SV2B: variants seen among roughly 807,000 people sequenced by gnomAD.
SV2B encodes synaptic vesicle glycoprotein 2B.
A neutral mutation model predicts 73.9 loss-of-function variants in SV2B; 41 were observed. That is an observed-to-expected ratio of 0.56 (90% CI 0.43 to 0.72). SV2B has a LOEUF of 0.72. Among genes scored for constraint, SV2B ranks in the 30% least tolerant of loss-of-function variants. The pLI is 0.00. For missense variants in SV2B, 764 were observed against 857.8 expected (o/e 0.89, Z 1.37); for synonymous variants, 314 against 314.2 (o/e 1.00, Z 0.01).
rs1408533056 is a variant in SV2B at position 91,296,018 on chromosome 15, G to A, written c.*3466G>A. 3 of 152,188 alleles carry A rather than the reference G, an allele frequency of 2.0e-5. No individual in the cohort carries two copies. The highest frequency in any genetic ancestry group is 4.1e-4 in the South Asian group (2 of 4,834). The allele number at this position is 152,188 out of a possible 1,614,324, so 9.4% of individuals were successfully genotyped here. The stretch of plus-strand genomic sequence containing the variant: ...ACTTGTCAGCTGTGGATTTCCAAAT[G>A]TGGTGGCTCCCTCTTATTTTTTTTT... On this transcript the variant is annotated 3_prime_UTR_variant, in exon 13 of 13. Coordinates refer to ENST00000394232, the MANE Select transcript of SV2B (RefSeq NM_001323032.3).
chr15:91,154,032 T>C (rs1471409036), intron 1 of SV2B, among the ~76,000 whole-genome samples: 4 of 151,652 alleles, frequency 2.6e-5, no homozygotes, highest in East Asian at 3.9e-4. Flanking sequence ...AAAAAGACTA[T>C]AGAATAATGT....
Position 91,241,616 on chromosome 15 carries a change from GAAGAACTTCTATAGCCCCTGTTATCAC to G in SV2B, c.452-10201_452-10175del, listed in dbSNP as rs756610299. Among the ~76,000 whole-genome samples the G allele has an allele frequency of 1.5e-3, 230 of 152,234 alleles. 1 individual carries two copies. Among genetic ancestry groups the G allele is most frequent in the Non-Finnish European group, 1.8e-3 (121 of 68,016 alleles). On this transcript the variant is annotated intron_variant, in intron 2 of 12. Coordinates refer to ENST00000394232, the MANE Select transcript of SV2B (RefSeq NM_001323032.3). This position sits in a 1 kb window ranked among gnomAD's most constrained non-coding sequence, Gnocchi z 4.8. ...ACTGAGAACAACAGAAGTAACCGGA[GAAGAACTTCTATAGCCCCTGTTATCAC>G]ACCTACCTTCCTCGCTGCCTCTGTG...
chr15:91,296,062 T>G lies in SV2B; in HGVS notation c.*3510T>G, dbSNP rs1310668992. 6.6e-6 allele frequency: 1 copy of G among 152,168 alleles called. No individual in the cohort carries two copies. The allele number at this position is 152,168 out of a possible 1,614,324, so 9.4% of individuals were successfully genotyped here. A position where few individuals can be genotyped will look rare whatever the true frequency, so the allele number is the denominator to read the frequency against. On this transcript the variant is annotated 3_prime_UTR_variant, in exon 13 of 13. Coordinates refer to ENST00000394232, the MANE Select transcript of SV2B (RefSeq NM_001323032.3). ...TTTTTTTCTTTGAGGAGTGTACCAA[T>G]TTTTTATCTTTATAAACCAGGTAAG...
At chr15:91,172,588 C>T (rs1467089368) in intron 1 of SV2B, among the ~76,000 whole-genome samples, 1 of 152,192 alleles carries the variant, frequency 6.6e-6, no homozygotes. Flanking sequence ...CCCCCACAGC[C>T]TCTCTGTGTC....
chr15:91,247,025 T>C (rs2047263344), intron 2 of SV2B, among the ~76,000 whole-genome samples: 1 of 152,230 alleles, frequency 6.6e-6, no homozygotes, highest in Admixed American at 6.5e-5. Flanking sequence ...ACATAGCCAT[T>C]CCAGAGACAT....
Position 91,229,651 on chromosome 15 carries a change from G to C in SV2B, c.451+2937G>C, listed in dbSNP as rs138726379. On this transcript the variant is annotated intron_variant, in intron 2 of 12. Coordinates refer to ENST00000394232, the MANE Select transcript of SV2B (RefSeq NM_001323032.3). This position sits in a 1 kb window ranked among gnomAD's most constrained non-coding sequence, Gnocchi z 4.3. ...ATCTACTTCATAGGATTATTCTGAG[G>C]ACTAAATAAGGTTAATCCATTTAAC... 6.6e-6 allele frequency among the ~76,000 whole-genome samples: 1 copy of C among 152,206 alleles called. No individual in the cohort carries two copies. Among genetic ancestry groups the C allele is most frequent in the African/African-American group, 2.4e-5 (1 of 41,538 alleles).
rs2042845494 is a variant in SV2B at position 91,136,885 on chromosome 15, C to G, written c.-392+36522C>G. ...GAGAAGCAAGAGGGCTCTGGGTAGC[C>G]AGCTTATTCCTGCTCTCCTGGTCAA... On this transcript the variant is annotated intron_variant, in intron 1 of 12. Transcript: ENST00000394232. This position sits in a 1 kb window ranked among gnomAD's most constrained non-coding sequence, Gnocchi z 5.6. Among the ~76,000 whole-genome samples the G allele has an allele frequency of 6.6e-6, 1 of 152,128 alleles. No homozygotes were observed. Among genetic ancestry groups the G allele is most frequent in the South Asian group, 2.1e-4 (1 of 4,826 alleles).
rs1448147280 is a variant in SV2B at position 91,296,922 on chromosome 15, T to TG, written c.*4371dup. 2.7e-5 allele frequency: 4 copies of TG among 147,024 alleles called. No homozygotes were observed. Among genetic ancestry groups the TG allele is most frequent in the African/African-American group, 1.0e-4 (4 of 38,540 alleles). 9.1% of individuals were successfully genotyped at this position (147,024 alleles called of 1,614,324 possible). On this transcript the variant is annotated 3_prime_UTR_variant, in exon 13 of 13. Transcript: ENST00000394232. ...CCGATCGTTGGGCGCATGCTCCTTC[T>TG]GCCCGATCGTTGGGAGCACGCTCAT...
chr15:91,282,917 T>A (rs1470113750), intron 10 of SV2B, among the ~76,000 whole-genome samples: 3 of 152,216 alleles, frequency 2.0e-5, no homozygotes, highest in Non-Finnish European at 4.4e-5. Context: ...TTAATAAGTG[T>A]CATTAGAAAC....
At chr15:91,158,703 C>CTCTT (rs1567300692) in intron 1 of SV2B, among the ~76,000 whole-genome samples, 82 of 40,298 alleles carry the variant, frequency 2.0e-3, no homozygotes, top group Non-Finnish European at 1.1e-3. Context: ...TCTCTTCTCT[C>CTCTT]CTCTCCTCTC....
At chr15:91,165,825 C>A (rs2043894274) in intron 1 of SV2B, among the ~76,000 whole-genome samples, 3 of 152,176 alleles carry the variant, frequency 2.0e-5, no homozygotes, top group Admixed American at 2.0e-4. Context: ...CAGATATTAC[C>A]ATTTCCAAGT....
intron 1 of SV2B, among the ~76,000 whole-genome samples, chr15:91,195,567 T>C (rs1956028290): frequency 6.6e-6 from 1 of 152,188 alleles, no homozygotes; most frequent in African/African-American, 2.4e-5. Context: ...AAGCAACACA[T>C]TGTGAAATTG....
chr15:91,292,630 G>T lies in SV2B; in HGVS notation c.*78G>T. The T allele has an allele frequency of 2.7e-6, 4 of 1,509,224 alleles. No homozygotes were observed. The highest frequency in any genetic ancestry group is 1.3e-5 in the South Asian group (1 of 75,006). The allele number at this position is 1,509,224 out of a possible 1,614,324, so 93.5% of individuals were successfully genotyped here. ...TGCATCCACACTTCCTGCCTATCAC[G>T]GTCCGGAGGACACCTTGGATAGCAC... On this transcript the variant is annotated 3_prime_UTR_variant, in exon 13 of 13. Coordinates refer to ENST00000394232, the MANE Select transcript of SV2B (RefSeq NM_001323032.3).
chr15:91,189,987 C>CA (rs201588497), intron 1 of SV2B, among the ~76,000 whole-genome samples: 41 of 146,508 alleles, frequency 2.8e-4, no homozygotes, highest in East Asian at 8.0e-4. Flanking sequence ...GACGCCATCT[C>CA]AAAAAAAAAG....
chr15:91,183,839 G>A (rs1393384533), intron 1 of SV2B, among the ~76,000 whole-genome samples: 2 of 152,176 alleles, frequency 1.3e-5, no homozygotes, highest in African/African-American at 2.4e-5. Flanking sequence ...TATTTGCCAA[G>A]GACAGGATGG....
Position 91,284,131 on chromosome 15 carries a change from C to T in SV2B, c.1618C>T (p.Leu540Phe). 6.2e-7 allele frequency: 1 copy of T among 1,614,180 alleles called. No individual in the cohort carries two copies. The highest frequency in any genetic ancestry group is 8.5e-7 in the Non-Finnish European group (1 of 1,180,038). Residue 540 changes from leucine to phenylalanine, a missense_variant, in exon 11 of 13, where the codon CTC (leucine) becomes TTC (phenylalanine). Physicochemically the swap from Leu to Phe is conservative, Grantham distance 22. Coordinates refer to ENST00000394232, the MANE Select transcript of SV2B (RefSeq NM_001323032.3). The surrounding 1 kb of genome is among the most constrained non-coding windows in gnomAD (Gnocchi z 4.5). ...GCAAGATAATGACTTCCTGATTTAC[C>T]TCGTCAGCTTCCTGGGCAGCCTGTC... is the stretch of plus-strand genomic sequence containing the variant. ...LEQDNDFLIY[L>F]VSFLGSLSVL...
chr15:91,194,053 T>A (rs1408815751), intron 1 of SV2B, among the ~76,000 whole-genome samples: 2 of 151,896 alleles, frequency 1.3e-5, no homozygotes, highest in African/African-American at 4.8e-5. Context: ...GGCACTGGGA[T>A]GATGGGTTCG....
intron 1 of SV2B, among the ~76,000 whole-genome samples, chr15:91,189,747 G>T (rs1485291968): frequency 2.6e-5 from 4 of 152,198 alleles, no homozygotes. Context: ...CCAGCACTTT[G>T]GGAGGCCGAG....
At chr15:91,179,781 T>C (rs2044473950) in intron 1 of SV2B, among the ~76,000 whole-genome samples, 1 of 152,230 alleles carries the variant, frequency 6.6e-6, no homozygotes, top group Non-Finnish European at 1.5e-5. Context: ...TGAGCCTATG[T>C]GTGTCTCTGC....
Sources: allele counts gnomAD v4.1 joint callset (sites outside exome capture counted in the v4.1 genomes callset), GRCh38; gene constraint gnomAD v4.1.1; non-coding constraint Gnocchi (gnomAD v3.1); transcripts MANE v1.5; gene names NCBI Gene and HGNC (gene_info 2026-07-23, HGNC 2026-07-21).